CNTNAP2: variants seen among roughly 807,000 people sequenced by gnomAD.
CNTNAP2 encodes the protein contactin-associated protein-like 2.
Under a neutral mutation model 155.2 loss-of-function variants are expected in CNTNAP2, and 98 were observed. That is an observed-to-expected ratio of 0.63 (90% confidence interval 0.54 to 0.75). The LOEUF is 0.75. CNTNAP2 is among the 30% of genes least tolerant of loss of function. CNTNAP2 has a pLI of 0.00. For synonymous variants in CNTNAP2, 651 were observed against 631.2 expected (o/e 1.03, Z -0.47); for missense variants, 1,727 against 1,688.1 (o/e 1.02, Z -0.40).
chr7:148,091,175 A>G (rs1803832746), intron 15 of CNTNAP2, among the ~76,000 whole-genome samples: 1 of 152,196 alleles, frequency 6.6e-6, no homozygotes, highest in Non-Finnish European at 1.5e-5. Flanking sequence ...ACAGCTAATG[A>G]CAACATATTG....
chr7:147,105,647 T>G (rs2129278882), intron 4 of CNTNAP2, among the ~76,000 whole-genome samples: 1 of 152,136 alleles, frequency 6.6e-6, no homozygotes, highest in Non-Finnish European at 1.5e-5. Context: ...CTTCTAGAAA[T>G]TTTATAATTT....
At chr7:148,074,543 G>T (rs1416616871) in intron 15 of CNTNAP2, among the ~76,000 whole-genome samples, 5 of 151,954 alleles carry the variant, frequency 3.3e-5, no homozygotes, top group Non-Finnish European at 7.4e-5. Flanking sequence ...TACAAAAATT[G>T]CTGGGCGTGG....
chr7:146,258,848 T>C (rs1286889150), intron 1 of CNTNAP2, among the ~76,000 whole-genome samples: 2 of 152,206 alleles, frequency 1.3e-5, no homozygotes, highest in Non-Finnish European at 2.9e-5. Context: ...TATTATCACA[T>C]GTATGTGCTG....
intron 15 of CNTNAP2, among the ~76,000 whole-genome samples, chr7:148,066,849 G>A (rs970841078): frequency 8.6e-5 from 13 of 152,042 alleles, no homozygotes; most frequent in Middle Eastern, 3.2e-3. Flanking sequence ...CAAAAGCCTC[G>A]TCTTTGATCT....
intron 13 of CNTNAP2, among the ~76,000 whole-genome samples, chr7:147,708,060 T>G (rs914318806): frequency 6.6e-6 from 1 of 151,964 alleles, no homozygotes; most frequent in African/African-American, 2.4e-5. Flanking sequence ...CCAGTTGTGG[T>G]AGACAGGGGT....
intron 13 of CNTNAP2, among the ~76,000 whole-genome samples, chr7:147,717,821 T>C (rs1796503563): frequency 1.3e-5 from 2 of 151,906 alleles, no homozygotes; most frequent in Non-Finnish European, 2.9e-5. Context: ...CAGGAGTTCA[T>C]AGTGAGTTAT....
intron 2 of CNTNAP2, among the ~76,000 whole-genome samples, chr7:146,827,138 T>C (rs1266602641): frequency 6.6e-6 from 1 of 152,066 alleles, no homozygotes; most frequent in Non-Finnish European, 1.5e-5. Flanking sequence ...TTAATTAATA[T>C]ATTCATTTTT....
intron 1 of CNTNAP2, among the ~76,000 whole-genome samples, chr7:146,355,296 A>G (rs1288681879): frequency 6.6e-6 from 1 of 152,172 alleles, no homozygotes; most frequent in Non-Finnish European, 1.5e-5. Context: ...TAGTAGGTTT[A>G]TGTCTAATTA....
intron 1 of CNTNAP2, among the ~76,000 whole-genome samples, chr7:146,308,885 G>T (rs529321575): frequency 1.8e-3 from 279 of 152,186 alleles, no homozygotes; most frequent in African/African-American, 6.3e-3. Context: ...TAAATGACAA[G>T]TTAGTGGGTG....
intron 11 of CNTNAP2, among the ~76,000 whole-genome samples, chr7:147,560,361 T>G (rs1185819429): frequency 2.0e-5 from 3 of 152,116 alleles, no homozygotes; most frequent in Non-Finnish European, 4.4e-5. Flanking sequence ...TCTGTATAAG[T>G]TGATATAAAA....
chr7:148,214,755 G>C (rs1307387875), intron 18 of CNTNAP2, among the ~76,000 whole-genome samples: 1 of 152,084 alleles, frequency 6.6e-6, no homozygotes, highest in Non-Finnish European at 1.5e-5. Flanking sequence ...ATTTTTAGTA[G>C]AGACGGGGTT....
chr7:148,066,348 G>C (rs964526496), intron 15 of CNTNAP2, among the ~76,000 whole-genome samples: 1 of 152,132 alleles, frequency 6.6e-6, no homozygotes, highest in Non-Finnish European at 1.5e-5. Flanking sequence ...GGCCAGGGAA[G>C]TTTTCCTCAA....
chr7:146,823,914 A>C (rs192805435), intron 2 of CNTNAP2, among the ~76,000 whole-genome samples: 1 of 152,096 alleles, frequency 6.6e-6, no homozygotes, highest in Non-Finnish European at 1.5e-5. Flanking sequence ...ATACATGTGC[A>C]GAACATGCAG....
chr7:148,304,741 C>T (rs1797458280), intron 21 of CNTNAP2, among the ~76,000 whole-genome samples: 1 of 152,196 alleles, frequency 6.6e-6, no homozygotes. Context: ...TGTTAGGTGA[C>T]TCCTGACTAT....
At chr7:148,172,062 G>A (rs1340422652) in intron 17 of CNTNAP2, among the ~76,000 whole-genome samples, 180 bp from the exon 18 acceptor site, 2 of 152,126 alleles carry the variant, frequency 1.3e-5, no homozygotes, top group Admixed American at 1.3e-4. Context: ...TTTTAATTAG[G>A]CCTTATAGCC....
chr7:147,169,904 T>C (rs1802192531), intron 8 of CNTNAP2, among the ~76,000 whole-genome samples: 1 of 152,204 alleles, frequency 6.6e-6, no homozygotes, highest in South Asian at 2.1e-4. Flanking sequence ...ATGTGCTTTC[T>C]TGCTCTCCAG....
chr7:148,313,987 T>A (rs183724185), intron 21 of CNTNAP2, among the ~76,000 whole-genome samples: 1 of 152,178 alleles, frequency 6.6e-6, no homozygotes, highest in East Asian at 1.9e-4. Context: ...AAGAGGAAAT[T>A]GCTGGGCAGG....
intron 1 of CNTNAP2, among the ~76,000 whole-genome samples, chr7:146,743,898 T>C (rs189403762): frequency 1.4e-3 from 219 of 152,228 alleles, no homozygotes; most frequent in Admixed American, 6.4e-3. Context: ...AAATTTCTTA[T>C]TTAGCTGAGT....
intron 9 of CNTNAP2, among the ~76,000 whole-genome samples, chr7:147,347,987 G>T (rs1795905821): frequency 6.6e-6 from 1 of 151,970 alleles, no homozygotes; most frequent in Admixed American, 6.5e-5. Flanking sequence ...ATATGCAAAA[G>T]AATGAAACTA....
Sources: gnomAD v4.1 joint callset for allele counts (sites outside exome capture counted in the v4.1 genomes callset) on GRCh38, gnomAD v4.1.1 for gene constraint, MANE v1.5 for transcripts, NCBI Gene and HGNC (gene_info 2026-07-23, HGNC 2026-07-21) for gene names.